The following CFAP44 variants were observed in gnomAD, a reference collection of about 807,000 sequenced individuals.
CFAP44 encodes the protein cilia- and flagella-associated protein 44.
Under a neutral mutation model 216.2 loss-of-function variants are expected in CFAP44, and 134 were observed. That is an observed-to-expected ratio of 0.62 (90% confidence interval 0.54 to 0.72). The LOEUF is 0.72. Ranked by LOEUF, CFAP44 falls within the 30% of genes least tolerant of loss-of-function variation. The pLI is 0.00. For synonymous variants in CFAP44, 700 were observed against 727.6 expected (o/e 0.96, Z 0.61); for missense variants, 2,035 against 2,182.1 (o/e 0.93, Z 1.34).
At chr3:113,422,116 G>A (rs1225117896) in intron 4 of CFAP44, among the ~76,000 whole-genome samples, 1 of 152,004 alleles carries the variant, frequency 6.6e-6, no homozygotes, top group Non-Finnish European at 1.5e-5. Context: ...CAAGTTAAAT[G>A]AGCTCAATCT....
chr3:113,380,571 C>T (rs557984264), intron 16 of CFAP44, among the ~76,000 whole-genome samples: 35 of 152,248 alleles, frequency 2.3e-4, no homozygotes, highest in Non-Finnish European at 4.9e-4. Context: ...GCTGGGATGA[C>T]AGGCATGAGC....
chr3:113,402,119 A>G (rs1342092668), intron 9 of CFAP44, among the ~76,000 whole-genome samples: 2 of 152,228 alleles, frequency 1.3e-5, no homozygotes, highest in Non-Finnish European at 2.9e-5. Context: ...TGTTTTCTAC[A>G]TACCAGCAGG....
Position 113,399,901 on chromosome 3 carries a change from C to A in CFAP44, c.1569+5G>T. On this transcript the variant is annotated splice_donor_5th_base_variant and intron_variant, in intron 13 of 34. Transcript: ENST00000393845. ...TCTGGTAGTTCATTATAACAACAAA[C>A]TTACCATTCGGGGTACCCAAACAAG... 6.4e-7 allele frequency: 1 copy of A among 1,570,658 alleles called. No homozygotes were observed. The highest frequency in any genetic ancestry group is 8.6e-7 in the Non-Finnish European group (1 of 1,161,664).
At chr3:113,351,191 ATCT>A (rs1950441843) in intron 22 of CFAP44, among the ~76,000 whole-genome samples, 1 of 152,240 alleles carries the variant, frequency 6.6e-6, no homozygotes, top group Non-Finnish European at 1.5e-5. Context: ...ACTGAACGAG[ATCT>A]TATTAATAGC....
intron 30 of CFAP44, 144 bp from the exon 31 acceptor site, chr3:113,305,296 T>C: frequency 1.5e-6 from 1 of 670,748 alleles, no homozygotes; most frequent in Non-Finnish European, 2.5e-6. Flanking sequence ...GATCCCAGTT[T>C]GCAACTCAGG....
chr3:113,328,633 C>T (rs1950209730), intron 26 of CFAP44, among the ~76,000 whole-genome samples: 1 of 129,296 alleles, frequency 7.7e-6, no homozygotes, highest in African/African-American at 2.9e-5. Flanking sequence ...CAGACTGGGG[C>T]TGAGGAGAGA....
In CFAP44 at chr3:113,355,375, G is replaced by A. The variant is rs180976175; in HGVS notation, c.3065+3370C>T. On this transcript the variant is annotated intron_variant, in intron 22 of 34. Coordinates refer to ENST00000393845, the MANE Select transcript of CFAP44 (RefSeq NM_001164496.2). ...CTCTACTAAAAATACAAAAAAATTC[G>A]CCGGGCATGGTGGCAGGTGCCTGCA... Among the ~76,000 whole-genome samples, 11 of 152,144 alleles carry A rather than the reference G, an allele frequency of 7.2e-5. No individual in the cohort carries two copies. The East Asian group carries it at 1.7e-3, about 24-fold the overall frequency.
At chr3:113,301,307 CTT>C (rs994951676) in intron 32 of CFAP44, among the ~76,000 whole-genome samples, 47 of 151,790 alleles carry the variant, frequency 3.1e-4, no homozygotes, top group African/African-American at 1.1e-3. Context: ...GTAAATATAA[CTT>C]TTTTTTAATG....
intron 16 of CFAP44, among the ~76,000 whole-genome samples, chr3:113,380,035 AT>A (rs1469835653): frequency 3.9e-5 from 6 of 151,920 alleles, no homozygotes; most frequent in African/African-American, 1.5e-4. Context: ...ATTTTTTTAA[AT>A]TTTATTTATT....
chr3:113,333,621 T>G, intron 24 of CFAP44, 38 bp from the exon 25 acceptor site: 1 of 1,460,804 alleles, frequency 6.8e-7, no homozygotes, highest in Non-Finnish European at 9.0e-7. Flanking sequence ...CACACAAATA[T>G]GACAATAAAC....
chr3:113,363,360 A>G lies in CFAP44; in HGVS notation c.2772-53T>C, dbSNP rs774896923. 5.1e-6 allele frequency: 8 copies of G among 1,576,134 alleles called. No homozygotes were observed. The African/African-American group carries it at 1.1e-4, about 22-fold the overall frequency. On this transcript the variant is annotated intron_variant, in intron 20 of 34. Transcript: ENST00000393845. Reference sequence around the variant, plus strand: ...AGGTTGTGATACAGAAACAGCAGAGAAAGAGAAAATTAGTATTCAATAATT... The same window carrying G: ...AGGTTGTGATACAGAAACAGCAGAGGAAGAGAAAATTAGTATTCAATAATT...
chr3:113,372,975 A>G (rs187940490), intron 18 of CFAP44, among the ~76,000 whole-genome samples: 3 of 152,318 alleles, frequency 2.0e-5, no homozygotes, highest in Non-Finnish European at 1.5e-5. Flanking sequence ...AAACTAATAC[A>G]AAAGAATAGA....
rs867954537 is a variant in CFAP44 at position 113,420,165 on chromosome 3, T to A, written c.422A>T (p.Tyr141Phe). The change falls in exon 5 of 35, where the codon TAT becomes TTT. Residue 141 changes from tyrosine to phenylalanine, a missense_variant. By Grantham distance (22) the Tyr-to-Phe change is conservative. Around this residue, in one of 3 missense-constraint regions of CFAP44, gnomAD observed 1,883 missense variants for 2,023.7 expected, o/e 0.93. Coordinates refer to ENST00000393845, the MANE Select transcript of CFAP44 (RefSeq NM_001164496.2). Reference protein sequence around the residue: ...DLLTLVHSFGYDCRKRANLQL... With the variant: ...DLLTLVHSFGFDCRKRANLQL... The stretch of plus-strand genomic sequence containing the variant: ...TAGGTTGGCTCGCTTTCTACAGTCA[T>A]AACCAAAAGAATGTCTGAGGGAAAG... The A allele has an allele frequency of 1.9e-6, 3 of 1,610,702 alleles. No homozygotes were observed. In the East Asian group the frequency reaches 6.7e-5, roughly 36 times the overall value.
At chr3:113,439,606 G>A (rs567233159) in intron 1 of CFAP44, among the ~76,000 whole-genome samples, 2 of 152,164 alleles carry the variant, frequency 1.3e-5, no homozygotes, top group South Asian at 2.1e-4. Context: ...CCTTACTCCC[G>A]AATAAACATC....
intron 28 of CFAP44, among the ~76,000 whole-genome samples, chr3:113,320,492 TGTA>T: frequency 9.9e-6 from 1 of 100,974 alleles, no homozygotes; most frequent in East Asian, 2.8e-4. Flanking sequence ...GATATATAGA[TGTA>T]ATATATATCT....
chr3:113,303,923 G>A lies in CFAP44; in HGVS notation c.5070C>T (p.Thr1690=). The A allele has an allele frequency of 6.5e-7, 1 of 1,537,430 alleles. No individual in the cohort carries two copies. Among genetic ancestry groups the A allele is most frequent in the Non-Finnish European group, 8.7e-7 (1 of 1,146,924 alleles). Residue 1690 remains threonine (T), a synonymous_variant, in exon 32 of 35, where the codon ACC becomes ACT. Transcript: ENST00000393845. ...GTGGGCTTAGATACTCACTGTGTAT[G>A]GTTTTTGTCATTTCTCTCTTTTCTC... is the stretch of plus-strand genomic sequence containing the variant. ...LIREKREMTK[T]IHKMEETVRQ...
chr3:113,345,771 G>A (rs1386562327), intron 22 of CFAP44, among the ~76,000 whole-genome samples: 1 of 151,998 alleles, frequency 6.6e-6, no homozygotes, highest in East Asian at 1.9e-4. Context: ...ACACAAACAA[G>A]CACTTCTTAG....
chr3:113,312,073 G>GTT (rs199653080), intron 28 of CFAP44, among the ~76,000 whole-genome samples: 6,255 of 126,704 alleles, frequency 0.049, 359 homozygotes, highest in African/African-American at 0.12. Flanking sequence ...GTGTGTGTGT[G>GTT]TTTTTTTTTT....
At position 113,393,415 on chromosome 3, in the gene CFAP44, C is replaced by G. The variant is rs570484622; in HGVS notation, c.1890+2335G>C. Among the ~76,000 whole-genome samples the G allele has an allele frequency of 7.9e-5, 12 of 152,142 alleles. No individual in the cohort carries two copies. In the South Asian group the frequency reaches 2.5e-3, roughly 32 times the overall value. ...GGTGTTTGGGTCTTGCGGGTGGATG[C>G]CTCATGAATAGATTGATGATTTCCC... is the stretch of plus-strand genomic sequence containing the variant. On this transcript the variant is annotated intron_variant, in intron 15 of 34. Transcript: ENST00000393845.
Sources: gnomAD v4.1 joint callset for allele counts (sites outside exome capture counted in the v4.1 genomes callset) on GRCh38, gnomAD v4.1.1 for gene constraint, gnomAD v4.1.1 regional missense constraint, MANE v1.5 for transcripts, NCBI Gene and HGNC (gene_info 2026-07-23, HGNC 2026-07-21) for gene names.